NRP2: variants seen among roughly 807,000 people sequenced by gnomAD.
NRP2 encodes the protein neuropilin-2.
NRP2 carries 52 observed loss-of-function variants against 110.4 expected under a neutral mutation model. The observed-to-expected ratio is 0.47, with a 90% confidence interval of 0.38 to 0.59. NRP2 has a LOEUF of 0.59. Among genes scored for constraint, NRP2 ranks in the 20% least tolerant of loss-of-function variants. The probability of loss-of-function intolerance (pLI) is 0.00; values close to 1 mark genes in which losing one functional copy is unlikely to be tolerated. For synonymous variants in NRP2, 508 were observed against 468.9 expected (o/e 1.08, Z -1.08); for missense variants, 1,049 against 1,203.0 (o/e 0.87, Z 1.89).
intron 11 of NRP2, among the ~76,000 whole-genome samples, chr2:205,752,069 T>C (rs1284250695): frequency 6.6e-6 from 1 of 152,164 alleles, no homozygotes; most frequent in African/African-American, 2.4e-5. Context: ...GACACCACTG[T>C]GTCATTAGTT....
chr2:205,788,714 C>G (rs528040296), intron 15 of NRP2, among the ~76,000 whole-genome samples: 2 of 152,214 alleles, frequency 1.3e-5, no homozygotes, highest in Admixed American at 1.3e-4. Context: ...CTGCCCTGGA[C>G]TCCAGCAGCA....
chr2:205,751,991 G>A (rs1045741992), intron 11 of NRP2, among the ~76,000 whole-genome samples: 7 of 152,148 alleles, frequency 4.6e-5, no homozygotes, highest in African/African-American at 1.7e-4. Context: ...GGAGCTGGGT[G>A]GAACCTCAGA....
intron 2 of NRP2, among the ~76,000 whole-genome samples, chr2:205,698,479 C>A (rs1054824673): frequency 2.6e-5 from 4 of 152,140 alleles, no homozygotes; most frequent in African/African-American, 9.7e-5. Context: ...GCTGGTCTTA[C>A]AACATTGGTT....
intron 2 of NRP2, among the ~76,000 whole-genome samples, chr2:205,702,282 G>A (rs1282006216): frequency 6.6e-6 from 1 of 152,178 alleles, no homozygotes; most frequent in Non-Finnish European, 1.5e-5. Flanking sequence ...AGGAGCCCTT[G>A]CTGTCTCTTG....
intron 4 of NRP2, 108 bp from the exon 5 acceptor site, chr2:205,723,677 C>CAAAG: frequency 4.5e-6 from 5 of 1,123,424 alleles, no homozygotes; most frequent in Non-Finnish European, 6.6e-6. Flanking sequence ...GCAAGATGTA[C>CAAAG]AAAGTGTGCT....
At chr2:205,693,535 A>G (rs76564853) in intron 1 of NRP2, among the ~76,000 whole-genome samples, 3 of 152,116 alleles carry the variant, frequency 2.0e-5, no homozygotes, top group African/African-American at 7.2e-5. Flanking sequence ...AAAAAAAAAA[A>G]GTACTTCAAA....
intron 5 of NRP2, among the ~76,000 whole-genome samples, chr2:205,724,859 G>C (rs1337449298): frequency 6.6e-6 from 1 of 151,966 alleles, no homozygotes; most frequent in Admixed American, 6.6e-5. Context: ...CAGAGGTGGG[G>C]TTTCACCATG....
chr2:205,700,640 G>T, intron 2 of NRP2: 1 of 506,634 alleles, frequency 2.0e-6, no homozygotes, highest in Non-Finnish European at 3.9e-6. Context: ...GGTTGAGACG[G>T]TTGCTGAGTA....
chr2:205,794,641 A>G, intron 16 of NRP2, 113 bp from the exon 17 acceptor site: 1 of 1,104,260 alleles, frequency 9.1e-7, no homozygotes, highest in Non-Finnish European at 1.4e-6. Flanking sequence ...CTAATTCCAG[A>G]GCTGCTGCTG....
chr2:205,742,604 G>C (rs7609535), intron 8 of NRP2, among the ~76,000 whole-genome samples: 4 of 152,172 alleles, frequency 2.6e-5, no homozygotes, highest in East Asian at 1.9e-4. Flanking sequence ...AGGATCCAAG[G>C]CAGTAAAGAG....
chr2:205,734,813 G>A (rs188445748), intron 7 of NRP2, among the ~76,000 whole-genome samples: 94 of 152,280 alleles, frequency 6.2e-4, no homozygotes, highest in Middle Eastern at 6.8e-3. Flanking sequence ...GGAACATCTC[G>A]TGCACAATGT....
intron 7 of NRP2, among the ~76,000 whole-genome samples, chr2:205,736,741 T>G (rs142120293): frequency 9.8e-4 from 149 of 152,302 alleles, no homozygotes; most frequent in African/African-American, 3.4e-3. Context: ...CTATAATGAT[T>G]CAGTGAGTTG....
chr2:205,687,938 C>T (rs1284755536), intron 1 of NRP2, among the ~76,000 whole-genome samples: 3 of 152,094 alleles, frequency 2.0e-5, no homozygotes, highest in Non-Finnish European at 4.4e-5. Flanking sequence ...ATTCTGGGGA[C>T]CCTGGTGTTT....
chr2:205,696,964 G>T (rs768751074), intron 1 of NRP2, among the ~76,000 whole-genome samples: 28 of 152,026 alleles, frequency 1.8e-4, no homozygotes, highest in Non-Finnish European at 3.2e-4. Context: ...ATTTAAAAAG[G>T]CTGCAATCAC....
intron 11 of NRP2, among the ~76,000 whole-genome samples, chr2:205,750,504 T>A (rs997285218): frequency 1.3e-5 from 2 of 152,198 alleles, no homozygotes; most frequent in Non-Finnish European, 2.9e-5. Flanking sequence ...TCCCATCACA[T>A]GGGAAATTCT....
In NRP2 at chr2:205,740,575, AC is replaced by A; in HGVS notation, c.1204del (p.Leu402CysfsTer2). ...EVVLNKLHAP[L>X]LTRFVRIRPQ... ...TGGTTCTGAACAAGCTCCACGCTCC[AC>A]TGCTGACAAGGTTTGTTAGAATCCG... On this transcript the variant is annotated frameshift_variant, in exon 8 of 17. Coordinates refer to ENST00000357785, the MANE Select transcript of NRP2 (RefSeq NM_003872.3). LOFTEE classifies it high-confidence loss of function. 6.2e-7 allele frequency: 1 copy of A among 1,614,246 alleles called. No individual in the cohort carries two copies. The highest frequency in any genetic ancestry group is 8.5e-7 in the Non-Finnish European group (1 of 1,180,042).
rs147595946 is a variant in NRP2, at chr2:205,697,193, G to A, written c.74-351G>A. On this transcript the variant is annotated intron_variant, in intron 1 of 16. Coordinates refer to ENST00000357785, the MANE Select transcript of NRP2 (RefSeq NM_003872.3). ...GAGGTTGAATGAGGAGAGGAAGATG[G>A]GCCAAGGAGGGGAGGCAGGAAAGGC... Among the ~76,000 whole-genome samples the A allele has an allele frequency of 4.5e-3, 680 of 152,180 alleles. 3 individuals are homozygous for A. The highest frequency in any genetic ancestry group is 0.016 in the African/African-American group (645 of 41,506).
chr2:205,775,000 C>T (rs1366557485), intron 15 of NRP2, among the ~76,000 whole-genome samples: 1 of 152,088 alleles, frequency 6.6e-6, no homozygotes, highest in East Asian at 1.9e-4. Context: ...GGGGGACCAC[C>T]CTCTGCTCAC....
At chr2:205,731,707 G>A (rs1174990568) in intron 7 of NRP2, among the ~76,000 whole-genome samples, 1 of 152,236 alleles carries the variant, frequency 6.6e-6, no homozygotes, top group Non-Finnish European at 1.5e-5. Flanking sequence ...GGCTAAAAGA[G>A]AAAGTCTGTG....
Sources: gnomAD v4.1 joint callset for allele counts (sites outside exome capture counted in the v4.1 genomes callset) on GRCh38, gnomAD v4.1.1 for gene constraint, MANE v1.5 for transcripts, NCBI Gene and HGNC (gene_info 2026-07-23, HGNC 2026-07-21) for gene names.